The following PCBP3 variants were observed in gnomAD, a reference collection of about 807,000 sequenced individuals.
PCBP3 encodes the protein poly(rC) binding protein 3, also known as poly(rC)-binding protein 3.
PCBP3 carries 25 observed loss-of-function variants against 52.7 expected under a neutral mutation model. The observed-to-expected ratio is 0.47, with a 90% CI of 0.35 to 0.66. PCBP3 has a LOEUF of 0.66. Among genes scored for constraint, PCBP3 ranks in the 30% least tolerant of loss-of-function variants. The pLI is 0.01. For missense variants in PCBP3, 391 were observed against 490.3 expected, an observed-to-expected ratio of 0.80 and a Z score of 1.91; for synonymous variants, 162 against 183.0, an observed-to-expected ratio of 0.89 and a Z score of 0.93.
intron 13 of PCBP3, among the ~76,000 whole-genome samples, chr21:45,922,040 A>G (rs1467451586): frequency 6.6e-6 from 1 of 152,172 alleles, no homozygotes; most frequent in Non-Finnish European, 1.5e-5. Context: ...GAGACTATCC[A>G]TGTGCCTCTG....
intron 9 of PCBP3, among the ~76,000 whole-genome samples, chr21:45,907,632 G>A (rs1469860486): frequency 6.6e-6 from 1 of 152,152 alleles, no homozygotes; most frequent in Non-Finnish European, 1.5e-5. Flanking sequence ...GCAACCAAAA[G>A]AATTCTAAAT....
At chr21:45,771,563 A>G (rs2089866058) in intron 4 of PCBP3, among the ~76,000 whole-genome samples, 2 of 152,174 alleles carry the variant, frequency 1.3e-5, no homozygotes, top group Admixed American at 1.3e-4. Context: ...AAAATGCAAC[A>G]CTCCTTTCAG....
intron 2 of PCBP3, among the ~76,000 whole-genome samples, chr21:45,712,683 A>C (rs189639400): frequency 6.6e-6 from 1 of 151,696 alleles, no homozygotes; most frequent in African/African-American, 2.4e-5. Flanking sequence ...ATTTCTTGTG[A>C]GGGTTGCTCT....
rs202124379 is a variant in PCBP3 at position 45,909,307 on chromosome 21, C to G, written c.340-48C>G. 352 of 1,585,210 alleles carry G rather than the reference C, an allele frequency of 2.2e-4. 1 individual carries two copies. Among genetic ancestry groups the G allele is most frequent in the South Asian group, 3.5e-4 (31 of 88,418 alleles). ...CACACCCCCTGCCCTCCTGCTTTCT[C>G]ACTGCACGACGCCTGAAGTGCTGCC... On this transcript the variant is annotated intron_variant, in intron 9 of 17. Transcript: ENST00000681687.
chr21:45,654,675 T>G (rs926913715), intron 1 of PCBP3, among the ~76,000 whole-genome samples: 1 of 152,170 alleles, frequency 6.6e-6, no homozygotes. Flanking sequence ...ATATTTTTAT[T>G]TCATCTTTTA....
intron 5 of PCBP3, among the ~76,000 whole-genome samples, chr21:45,892,468 CG>C (rs1407950802): frequency 3.7e-5 from 1 of 26,872 alleles, no homozygotes; most frequent in Non-Finnish European, 6.0e-5. Context: ...TCTGACGGGG[CG>C]TGGGGGGGGG....
chr21:45,784,381 TACCTCTACCTCTACC>T (rs1238871252), intron 4 of PCBP3, among the ~76,000 whole-genome samples: 6 of 117,420 alleles, frequency 5.1e-5, no homozygotes, highest in African/African-American at 1.4e-4. Context: ...CCTCTACCTC[TACCTCTACCTCTACC>T]GCTACCTCTA....
chr21:45,848,831 A>G (rs1003730357), intron 4 of PCBP3, among the ~76,000 whole-genome samples: 1 of 152,208 alleles, frequency 6.6e-6, no homozygotes, highest in African/African-American at 2.4e-5. Flanking sequence ...TCTCAGAGCC[A>G]TGAAGGACTT....
chr21:45,677,738 T>C (rs2081558851), intron 2 of PCBP3, among the ~76,000 whole-genome samples: 1 of 152,148 alleles, frequency 6.6e-6, no homozygotes, highest in Non-Finnish European at 1.5e-5. Context: ...ATTCCAAAAC[T>C]CTAGGATCCT....
intron 9 of PCBP3, 68 bp downstream of exon 9, chr21:45,901,181 G>T: frequency 1.8e-6 from 2 of 1,117,716 alleles, no homozygotes; most frequent in South Asian, 2.5e-5. Context: ...GGCTCCCTGG[G>T]TCCTCTCCCC....
chr21:45,752,289 CT>C (rs1344904768), intron 3 of PCBP3, among the ~76,000 whole-genome samples: 2 of 151,554 alleles, frequency 1.3e-5, no homozygotes, highest in African/African-American at 4.8e-5. Flanking sequence ...TGATTTTTTT[CT>C]ATGGGATGTT....
chr21:45,722,621 A>AT (rs1900672066), intron 2 of PCBP3, among the ~76,000 whole-genome samples: 1 of 152,200 alleles, frequency 6.6e-6, no homozygotes, highest in African/African-American at 2.4e-5. Context: ...ACAAGCTGTT[A>AT]TAAATATTTT....
At chr21:45,783,322 A>G (rs917085508) in intron 4 of PCBP3, among the ~76,000 whole-genome samples, 1 of 152,196 alleles carries the variant, frequency 6.6e-6, no homozygotes, top group African/African-American at 2.4e-5. Context: ...TGTGTTATGT[A>G]TCAGGGATGA....
intron 5 of PCBP3, among the ~76,000 whole-genome samples, chr21:45,875,243 C>T (rs906526439): frequency 4.0e-5 from 6 of 151,852 alleles, no homozygotes; most frequent in African/African-American, 4.9e-5. Context: ...GGGGCCCCTC[C>T]GTGCTGCGCG....
At chr21:45,906,757 A>T (rs1449392349) in intron 9 of PCBP3, among the ~76,000 whole-genome samples, 2 of 152,188 alleles carry the variant, frequency 1.3e-5, no homozygotes, top group Non-Finnish European at 2.9e-5. Flanking sequence ...TTAAGGTGCC[A>T]TCCCGTTTTC....
At chr21:45,885,109 C>A (rs1380751135) in intron 5 of PCBP3, among the ~76,000 whole-genome samples, 1 of 152,188 alleles carries the variant, frequency 6.6e-6, no homozygotes, top group Non-Finnish European at 1.5e-5. Context: ...GCAGCAACTT[C>A]TCTTCATTTT....
chr21:45,691,305 G>A (rs1371847917), intron 2 of PCBP3, among the ~76,000 whole-genome samples: 2 of 150,572 alleles, frequency 1.3e-5, no homozygotes, highest in South Asian at 4.2e-4. Flanking sequence ...AGACTGGAAG[G>A]TGAGAGTGGG....
In PCBP3 at chr21:45,802,330, C is replaced by G. The variant is rs2092337647; in HGVS notation, c.-126+46878C>G. On this transcript the variant is annotated intron_variant, in intron 4 of 17. Transcript: ENST00000681687. The surrounding 1 kb of genome is among the most constrained non-coding windows in gnomAD (Gnocchi z 5.1). ...ACCCCTTGCTGTGTTCCTGAAGCGT[C>G]CTGTCTTCCATGGTCAGGATGCTCT... 6.6e-6 allele frequency among the ~76,000 whole-genome samples: 1 copy of G among 152,266 alleles called. No homozygotes were observed. The highest frequency in any genetic ancestry group is 1.9e-4 in the East Asian group (1 of 5,180).
rs906200431 is a variant in PCBP3, at chr21:45,940,277, G to A, written c.1079+78G>A. 9 of 1,300,826 alleles carry A rather than the reference G, an allele frequency of 6.9e-6. No homozygotes were observed. The Admixed American group carries it at 1.2e-4, about 18-fold the overall frequency. The allele number at this position is 1,300,826 out of a possible 1,614,324, so 80.6% of individuals were successfully genotyped here. A position where few individuals can be genotyped will look rare whatever the true frequency, so the allele number is the denominator to read the frequency against. ...CGGCGTTACATCACCTGGACGGTCG[G>A]GGGGTGGGAGGAGGCACAGTCTGGG... On this transcript the variant is annotated intron_variant, in intron 17 of 17. Coordinates refer to ENST00000681687, the MANE Select transcript of PCBP3 (RefSeq NM_001384156.1).
Sources: allele counts gnomAD v4.1 joint callset (sites outside exome capture counted in the v4.1 genomes callset), GRCh38; gene constraint gnomAD v4.1.1; non-coding constraint Gnocchi (gnomAD v3.1); transcripts MANE v1.5; gene names NCBI Gene and HGNC (gene_info 2026-07-23, HGNC 2026-07-21).